The following EVL variants were observed in gnomAD, a reference collection of about 807,000 sequenced individuals.
EVL encodes the protein Enah/Vasp-like, also known as ena/VASP-like protein.
Under a neutral mutation model 59.6 loss-of-function variants are expected in EVL, and 21 were observed. The observed-to-expected ratio is 0.35, with a 90% CI of 0.25 to 0.51. The LOEUF is 0.51. Ranked by LOEUF, EVL falls within the 20% of genes least tolerant of loss-of-function variation. EVL has a pLI of 0.97. For synonymous variants in EVL, 198 were observed against 203.5 expected, an observed-to-expected ratio of 0.97 and a Z score of 0.23; for missense variants, 462 against 546.6, an observed-to-expected ratio of 0.85 and a Z score of 1.54.
chr14:100,044,616 C>T (rs2061520405), intron 1 of EVL, among the ~76,000 whole-genome samples: 1 of 152,026 alleles, frequency 6.6e-6, no homozygotes, highest in African/African-American at 2.4e-5. Context: ...CAATGTGATC[C>T]AAGGAGTGCC....
chr14:100,069,843 C>A (rs2062011983), intron 1 of EVL, among the ~76,000 whole-genome samples: 2 of 152,138 alleles, frequency 1.3e-5, no homozygotes, highest in Admixed American at 1.3e-4. Flanking sequence ...CAGTGTTATA[C>A]ACCAACCATT....
intron 2 of EVL, among the ~76,000 whole-genome samples, chr14:100,086,948 T>G (rs1384755427): frequency 6.6e-6 from 1 of 152,208 alleles, no homozygotes; most frequent in Admixed American, 6.5e-5. Flanking sequence ...ATAACAACTT[T>G]TAGGGACCTC....
chr14:99,976,978 G>GGATTGTTCT (rs775556796), intron 1 of EVL: 1 of 149,720 alleles, frequency 6.7e-6, no homozygotes, highest in Admixed American at 6.6e-5. Flanking sequence ...TTTAGATGGA[G>GGATTGTTCT]GATTGTTCTG....
chr14:100,084,910 G>A (rs529678072), intron 2 of EVL, 55 bp downstream of exon 2: 221 of 1,580,844 alleles, frequency 1.4e-4, no homozygotes, highest in Middle Eastern at 1.7e-4. Context: ...CCTCCTCACC[G>A]CCCACCCCTT....
At position 100,126,897 on chromosome 14, in the gene EVL, G is replaced by C. The variant is rs1401810741; in HGVS notation, c.487+126G>C. 3.6e-5 allele frequency: 29 copies of C among 798,272 alleles called. No homozygotes were observed. The East Asian group carries it at 7.6e-4, about 21-fold the overall frequency. 49.4% of individuals were successfully genotyped at this position (798,272 alleles called of 1,614,324 possible). A position where few individuals can be genotyped will look rare whatever the true frequency, so the allele number is the denominator to read the frequency against. On this transcript the variant is annotated intron_variant, in intron 5 of 13. Coordinates refer to ENST00000392920, the MANE Select transcript of EVL (RefSeq NM_016337.3). ...AGCTATGGGGAGCCTAGGTCTCAAA[G>C]TGCAACCACCACTTCAGATGGTGAG...
intron 1 of EVL, among the ~76,000 whole-genome samples, chr14:100,003,617 A>G (rs1210962043): frequency 2.6e-5 from 4 of 152,040 alleles, no homozygotes; most frequent in Non-Finnish European, 5.9e-5. Context: ...GGGTTTCACC[A>G]TGTTGGCCAT....
chr14:100,047,114 CTCTCTTTTT>C (rs1345588136), intron 1 of EVL, among the ~76,000 whole-genome samples: 3,648 of 95,068 alleles, frequency 0.038, 462 homozygotes, highest in African/African-American at 0.12. Context: ...GCAGATCTCT[CTCTCTTTTT>C]TTTTTTTTTT....
chr14:100,142,022 C>G, intron 13 of EVL: 1 of 433,778 alleles, frequency 2.3e-6, no homozygotes, highest in Non-Finnish European at 4.2e-6. Context: ...ACACCCGAAT[C>G]TGACCTTCCA....
intron 1 of EVL, among the ~76,000 whole-genome samples, chr14:100,057,458 G>A (rs1392265381): frequency 1.3e-5 from 2 of 152,030 alleles, no homozygotes; most frequent in East Asian, 3.8e-4. Flanking sequence ...AACATTTTCT[G>A]AGGACAAGTC....
Position 100,099,715 on chromosome 14 carries a change from G to T in EVL, c.358+2057G>T, listed in dbSNP as rs185344902. Among the ~76,000 whole-genome samples the T allele has an allele frequency of 3.3e-3, 502 of 151,330 alleles. 6 individuals carry two copies. Among genetic ancestry groups the T allele is most frequent in the African/African-American group, 0.012 (484 of 41,228 alleles). ...AACTTACCTCGCCTGCCTCCAGGAT[G>T]TGGGAGTTAAGCTTTTTTTTTTTTT... On this transcript the variant is annotated intron_variant, in intron 3 of 13. Coordinates refer to ENST00000392920, the MANE Select transcript of EVL (RefSeq NM_016337.3).
At chr14:100,006,520 C>G (rs940398329) in intron 1 of EVL, among the ~76,000 whole-genome samples, 1 of 151,964 alleles carries the variant, frequency 6.6e-6, no homozygotes, top group Admixed American at 6.5e-5. Context: ...CTCCTGACCT[C>G]AAGTGATCCA....
At chr14:100,091,671 G>A (rs1031051846) in intron 2 of EVL, among the ~76,000 whole-genome samples, 10 of 152,082 alleles carry the variant, frequency 6.6e-5, no homozygotes, top group African/African-American at 2.4e-4. Flanking sequence ...GTAAACCTAG[G>A]TAAACGGTTT....
chr14:100,003,687 G>A (rs1382290467), intron 1 of EVL, among the ~76,000 whole-genome samples: 1 of 152,016 alleles, frequency 6.6e-6, no homozygotes, highest in African/African-American at 2.4e-5. Flanking sequence ...TCAAAGCACT[G>A]GGAATACAGG....
At position 100,132,704 on chromosome 14, in the gene EVL, C is replaced by T. The variant is rs771620172; in HGVS notation, c.840-15C>T. 1.2e-6 allele frequency: 2 copies of T among 1,614,126 alleles called. No individual in the cohort carries two copies. The highest frequency in any genetic ancestry group is 8.5e-7 in the Non-Finnish European group (1 of 1,179,968). On this transcript the variant is annotated splice_polypyrimidine_tract_variant and intron_variant, in intron 7 of 13. Transcript: ENST00000392920. ...GTGAGGAGCTGATCTGTATCTTCCC[C>T]TTCTCTGTGCCTAGGAGAAAAGCAG...
In EVL at chr14:100,127,147, G is replaced by A. The variant is rs1330060502; in HGVS notation, c.487+376G>A. Among the ~76,000 whole-genome samples the A allele has an allele frequency of 6.6e-6, 1 of 152,234 alleles. No homozygotes were observed. Among genetic ancestry groups the A allele is most frequent in the East Asian group, 1.9e-4 (1 of 5,194 alleles). On this transcript the variant is annotated intron_variant, in intron 5 of 13. Coordinates refer to ENST00000392920, the MANE Select transcript of EVL (RefSeq NM_016337.3). This position sits in a 1 kb window ranked among gnomAD's most constrained non-coding sequence, Gnocchi z 4.2. ...ACCCACCCTTGTCATGTCACGTAGT[G>A]AACACTGTGGCAAGTGACGTGCAGG...
At chr14:100,037,621 A>C (rs1242393155) in intron 1 of EVL, among the ~76,000 whole-genome samples, 2 of 152,214 alleles carry the variant, frequency 1.3e-5, no homozygotes, top group Non-Finnish European at 2.9e-5. Flanking sequence ...TAAATGTACA[A>C]ATAAAATATA....
rs1266239878 is a variant in EVL at position 100,127,456 on chromosome 14, G to A, written c.487+685G>A. ...CACTGGTTACAGGAACGCTCTGCTCGTGAGATGCTGGCTGACCCCATCACC... is the reference window on the plus strand; with the variant it reads ...CACTGGTTACAGGAACGCTCTGCTCATGAGATGCTGGCTGACCCCATCACC... On this transcript the variant is annotated intron_variant, in intron 5 of 13. Coordinates refer to ENST00000392920, the MANE Select transcript of EVL (RefSeq NM_016337.3). The surrounding 1 kb of genome is among the most constrained non-coding windows in gnomAD (Gnocchi z 4.2). 3.3e-5 allele frequency among the ~76,000 whole-genome samples: 5 copies of A among 152,154 alleles called. No individual in the cohort carries two copies. The highest frequency in any genetic ancestry group is 2.1e-4 in the South Asian group (1 of 4,834).
chr14:99,993,685 C>CTTTTTTTTTTTT (rs532512303), intron 1 of EVL, among the ~76,000 whole-genome samples: 9 of 78,302 alleles, frequency 1.1e-4, no homozygotes, highest in African/African-American at 3.0e-4. Flanking sequence ...TTCTTTCTTT[C>CTTTTTTTTTTTT]TTTTTTTTTT....
intron 1 of EVL, among the ~76,000 whole-genome samples, chr14:100,000,870 G>A (rs996971956): frequency 6.6e-6 from 1 of 152,094 alleles, no homozygotes; most frequent in Non-Finnish European, 1.5e-5. Context: ...TTTGGAGAAA[G>A]CATTTTAGAA....
Sources: allele counts gnomAD v4.1 joint callset (sites outside exome capture counted in the v4.1 genomes callset), GRCh38; gene constraint gnomAD v4.1.1; non-coding constraint Gnocchi (gnomAD v3.1); transcripts MANE v1.5; gene names NCBI Gene and HGNC (gene_info 2026-07-23, HGNC 2026-07-21).